The following MIER1 variants were observed in gnomAD, a reference collection of about 807,000 sequenced individuals.
MIER1 encodes mesoderm induction early response protein 1.
In MIER1, 40 loss-of-function variants were observed where a neutral mutation model predicts 75.7. The ratio of observed to expected loss-of-function variants is 0.53; its 90% CI spans 0.41 to 0.69. The LOEUF is 0.69. Among genes scored for constraint, MIER1 ranks in the 30% least tolerant of loss-of-function variants. The probability of loss-of-function intolerance (pLI) is 0.00; values close to 1 mark genes in which losing one functional copy is unlikely to be tolerated. For synonymous variants in MIER1, 213 were observed against 223.4 expected (o/e 0.95, Z 0.42); for missense variants, 574 against 680.2 (o/e 0.84, Z 1.74).
intron 8 of MIER1, among the ~76,000 whole-genome samples, chr1:66,969,797 C>T (rs1663240056): frequency 6.6e-6 from 1 of 152,108 alleles, no homozygotes; most frequent in Non-Finnish European, 1.5e-5. Context: ...CTATCTCCAC[C>T]ATCATAACTA....
chr1:66,954,297 T>C (rs1212863331), intron 4 of MIER1, among the ~76,000 whole-genome samples: 1 of 152,248 alleles, frequency 6.6e-6, no homozygotes, highest in East Asian at 1.9e-4. Context: ...TCAGTAACTA[T>C]TCAGTACGCT....
Position 66,981,886 on chromosome 1 carries a change from A to C in MIER1, c.1337A>C (p.Glu446Ala), listed in dbSNP as rs1025251623. ...AGTAGTAACAGCCAGTCTGAGAAAG[A>C]AGATGGCACTGTAAGCACTGCTAAT... ...SNSSNSQSEK[E>A]DGTVSTANQN... Residue 446 changes from glutamate (E) to alanine (A), a missense_variant, in exon 13 of 14, where the codon GAA (glutamate) becomes GCA (alanine). Physicochemically the swap from Glu to Ala is moderately radical, Grantham distance 107 (BLOSUM62 -1). This residue lies in a region of MIER1 where 164 missense variants were observed against 154.3 expected (regional missense o/e 1.06). Coordinates refer to ENST00000401041, the MANE Select transcript of MIER1 (RefSeq NM_001077700.3). 2 of 1,613,978 alleles carry C rather than the reference A, an allele frequency of 1.2e-6. No homozygotes were observed. The highest frequency in any genetic ancestry group is 2.7e-5 in the African/African-American group (2 of 74,930).
intron 12 of MIER1, among the ~76,000 whole-genome samples, chr1:66,977,983 G>A (rs1665067715): frequency 6.6e-6 from 1 of 152,064 alleles, no homozygotes; most frequent in African/African-American, 2.4e-5. Context: ...TGGATCACAA[G>A]GTCAGGAGTT....
At chr1:66,962,371 C>G (rs1439701587) in intron 7 of MIER1, among the ~76,000 whole-genome samples, 2 of 152,108 alleles carry the variant, frequency 1.3e-5, no homozygotes, top group African/African-American at 4.8e-5. Context: ...TTATACAAAC[C>G]CTTTTTGTTA....
At chr1:66,983,497 T>C (rs1006971622) in intron 13 of MIER1, among the ~76,000 whole-genome samples, 2 of 152,214 alleles carry the variant, frequency 1.3e-5, no homozygotes. Flanking sequence ...TCACCAAAAT[T>C]TGCATTCCAT....
intron 4 of MIER1, 123 bp downstream of exon 4, chr1:66,946,418 T>C: frequency 1.4e-6 from 2 of 1,398,310 alleles, no homozygotes; most frequent in African/African-American, 3.0e-5. Context: ...CTGAAAAATT[T>C]TGTGTGATCA....
intron 2 of MIER1, among the ~76,000 whole-genome samples, chr1:66,938,096 C>T (rs1655338325): frequency 6.6e-6 from 1 of 152,140 alleles, no homozygotes; most frequent in African/African-American, 2.4e-5. Flanking sequence ...TGCTACTAGT[C>T]CTCAAGCGTT....
At chr1:66,947,100 C>T (rs1416627979) in intron 4 of MIER1, 1 of 657,618 alleles carries the variant, frequency 1.5e-6, no homozygotes, top group African/African-American at 2.0e-5. Flanking sequence ...TTTTTTGGAC[C>T]TCTCCCCCGG....
chr1:66,959,082 C>T lies in MIER1; in HGVS notation c.634+99C>T, dbSNP rs747108126. On this transcript the variant is annotated intron_variant, in intron 6 of 13. Transcript: ENST00000401041. ...AAACTGGTCTTTGAATTCATTTAGT[C>T]TGAAATTCTTTTCAACAGTAAATGG... is the stretch of plus-strand genomic sequence containing the variant. The T allele has an allele frequency of 8.3e-5, 83 of 1,003,588 alleles. 1 individual carries two copies. Among genetic ancestry groups the T allele is most frequent in the Non-Finnish European group, 1.1e-4 (76 of 678,894 alleles). 62.2% of individuals were successfully genotyped at this position (1,003,588 alleles called of 1,614,324 possible).
At chr1:66,936,834 A>C (rs2101156342) in intron 2 of MIER1, among the ~76,000 whole-genome samples, 1 of 151,416 alleles carries the variant, frequency 6.6e-6, no homozygotes. Context: ...ACCCATCTCT[A>C]CTAAAATACA....
chr1:66,957,586 T>C (rs7524089), intron 4 of MIER1, among the ~76,000 whole-genome samples: 1 of 144,978 alleles, frequency 6.9e-6, no homozygotes, highest in Non-Finnish European at 1.5e-5. Context: ...GGTTTGTTTG[T>C]GTTTTTTTTT....
intron 12 of MIER1, among the ~76,000 whole-genome samples, chr1:66,981,155 A>C (rs2102057837): frequency 1.3e-5 from 2 of 152,338 alleles, no homozygotes. Context: ...TCTCTATCCC[A>C]GATCTGCTCA....
intron 2 of MIER1, among the ~76,000 whole-genome samples, chr1:66,932,068 TA>T (rs1477107755): frequency 9.9e-5 from 15 of 152,144 alleles, no homozygotes; most frequent in African/African-American, 3.6e-4. Context: ...TTTTAAAAAA[TA>T]AATTTTATTG....
intron 3 of MIER1, among the ~76,000 whole-genome samples, chr1:66,944,140 G>A (rs1019243446): frequency 5.3e-5 from 8 of 151,946 alleles, no homozygotes; most frequent in African/African-American, 1.9e-4. Flanking sequence ...AAATTATTGT[G>A]AGTAACTGAA....
At chr1:66,933,337 G>A (rs1653905661) in intron 2 of MIER1, among the ~76,000 whole-genome samples, 1 of 152,108 alleles carries the variant, frequency 6.6e-6, no homozygotes, top group Non-Finnish European at 1.5e-5. Context: ...ACACGTAAGG[G>A]ACTTTCTTCT....
rs541704691 is a variant in MIER1, at chr1:66,937,336, G to A, written c.169-2692G>A. On this transcript the variant is annotated intron_variant, in intron 2 of 13. Coordinates refer to ENST00000401041, the MANE Select transcript of MIER1 (RefSeq NM_001077700.3). ...CATGGTGGCTCATGCCTGTAATCCC[G>A]GCACTTTTGGGAGGCCAAAGCAGGG... Among the ~76,000 whole-genome samples the A allele has an allele frequency of 1.1e-4, 16 of 152,154 alleles. No individual in the cohort carries two copies. The South Asian group carries it at 3.1e-3, about 30-fold the overall frequency.
At chr1:66,959,544 G>A in intron 6 of MIER1, 135 bp from the exon 7 acceptor site, 1 of 471,516 alleles carries the variant, frequency 2.1e-6, no homozygotes, top group Non-Finnish European at 3.8e-6. Flanking sequence ...TAATTATTTG[G>A]TTAGAAATAT....
chr1:66,927,533 T>C lies in MIER1; in HGVS notation c.168+1291T>C, dbSNP rs1445235470. On this transcript the variant is annotated intron_variant, in intron 2 of 13. Coordinates refer to ENST00000401041, the MANE Select transcript of MIER1 (RefSeq NM_001077700.3). ...CTATTTTCAACTCTTCTAGTATGAA[T>C]AGGCTTTAAAAATAAATTTTTTTTT... Among the ~76,000 whole-genome samples the C allele has an allele frequency of 2.0e-5, 3 of 152,162 alleles. No individual in the cohort carries two copies. The East Asian group carries it at 5.8e-4, about 29-fold the overall frequency.
At position 66,988,442 on chromosome 1, in the gene MIER1, T is replaced by C. The variant is rs1022976079; in HGVS notation, c.*3542T>C. On this transcript the variant is annotated 3_prime_UTR_variant, in exon 14 of 14. Transcript: ENST00000401041. The stretch of plus-strand genomic sequence containing the variant: ...ATCTGAATATCTGATTAACCTTTCT[T>C]TTCTAATACCAGTTTTCCATAAACT... 1.3e-5 allele frequency: 2 copies of C among 152,366 alleles called. No homozygotes were observed. Among genetic ancestry groups the C allele is most frequent in the African/African-American group, 4.8e-5 (2 of 41,452 alleles). 9.4% of individuals were successfully genotyped at this position (152,366 alleles called of 1,614,324 possible).
Sources: allele counts gnomAD v4.1 joint callset (sites outside exome capture counted in the v4.1 genomes callset), GRCh38; gene constraint gnomAD v4.1.1; regional missense constraint gnomAD v4.1.1; transcripts MANE v1.5; gene names NCBI Gene and HGNC (gene_info 2026-07-23, HGNC 2026-07-21).